The following CHRM2 variants were observed in gnomAD, a reference collection of about 807,000 sequenced individuals.
The protein encoded by CHRM2 is muscarinic acetylcholine receptor M2.
Under a neutral mutation model 25.0 loss-of-function variants are expected in CHRM2, and 8 were observed. The ratio of observed to expected loss-of-function variants is 0.32; its 90% CI spans 0.19 to 0.58. CHRM2 has a LOEUF of 0.58. Ranked by LOEUF, CHRM2 falls within the 20% of genes least tolerant of loss-of-function variation. The probability of loss-of-function intolerance (pLI) is 0.88; values close to 1 mark genes in which losing one functional copy is unlikely to be tolerated. For synonymous variants in CHRM2, 202 were observed against 205.7 expected (o/e 0.98, Z 0.15); for missense variants, 440 against 567.1 (o/e 0.78, Z 2.28).
chr7:137,003,120 G>A (rs376401465), intron 3 of CHRM2, among the ~76,000 whole-genome samples: 8 of 152,104 alleles, frequency 5.3e-5, no homozygotes, highest in South Asian at 4.1e-4. Flanking sequence ...AACTGGGTAC[G>A]AAGTTATGGA....
intron 2 of CHRM2, among the ~76,000 whole-genome samples, chr7:136,893,055 T>C (rs2130570930): frequency 6.6e-6 from 1 of 152,296 alleles, no homozygotes; most frequent in African/African-American, 2.4e-5. Flanking sequence ...CTCTCTCTTG[T>C]TCTCTCTTCC....
rs76478687 is a variant in CHRM2, at chr7:137,009,883, C to A, written c.-46-4937C>A. Among the ~76,000 whole-genome samples the A allele has an allele frequency of 2.2e-3, 333 of 151,674 alleles. 1 individual carries two copies. Among genetic ancestry groups the A allele is most frequent in the Non-Finnish European group, 3.7e-3 (253 of 67,874 alleles). On this transcript the variant is annotated intron_variant, in intron 3 of 3. Transcript: ENST00000680005. ...CATTGATAATGACAATTTAGTGTTA[C>A]CTCTAACCCTGCGCCCCATACCTTC...
rs182070352 is a variant in CHRM2 at position 136,907,120 on chromosome 7, C to T, written c.-125+37702C>T. Among the ~76,000 whole-genome samples the T allele has an allele frequency of 5.4e-4, 82 of 151,864 alleles. 1 individual carries two copies. The highest frequency in any genetic ancestry group is 2.0e-3 in the African/African-American group (82 of 41,468). Reference sequence around the variant, plus strand: ...GATCTAACAGGAGGTGAAGCTCAGGCAGTAATGCAAGTGATGGGCAGTGGC... The same window carrying T: ...GATCTAACAGGAGGTGAAGCTCAGGTAGTAATGCAAGTGATGGGCAGTGGC... On this transcript the variant is annotated intron_variant, in intron 2 of 3. Transcript: ENST00000680005.
intron 2 of CHRM2, among the ~76,000 whole-genome samples, chr7:136,952,074 A>C (rs1371252355): frequency 6.6e-6 from 1 of 152,186 alleles, no homozygotes; most frequent in Non-Finnish European, 1.5e-5. Flanking sequence ...TTAGGGTGGG[A>C]GCAGAACACA....
chr7:136,889,922 C>G (rs146947607), intron 2 of CHRM2, among the ~76,000 whole-genome samples: 2 of 152,190 alleles, frequency 1.3e-5, no homozygotes, highest in Non-Finnish European at 2.9e-5. Flanking sequence ...CACAGACAGG[C>G]GACCTCAGCT....
At chr7:136,903,102 C>A in intron 2 of CHRM2, 1 of 531,080 alleles carries the variant, frequency 1.9e-6, no homozygotes, top group South Asian at 1.4e-5. Flanking sequence ...CTCATTTGGG[C>A]TAGTGTAGGT....
intron 2 of CHRM2, chr7:136,938,396 G>A (rs915576795): frequency 8.9e-6 from 14 of 1,579,074 alleles, no homozygotes; most frequent in African/African-American, 5.4e-5. Flanking sequence ...TGCTGCTCCA[G>A]GAACCGTACC....
At chr7:136,911,120 T>C (rs993198012) in intron 2 of CHRM2, among the ~76,000 whole-genome samples, 2 of 151,952 alleles carry the variant, frequency 1.3e-5, no homozygotes, top group African/African-American at 4.8e-5. Flanking sequence ...GTGAGTAATT[T>C]TTTTTATTCA....
At position 136,939,326 on chromosome 7, in the gene CHRM2, T is replaced by G. The variant is rs143836761; in HGVS notation, c.-124-52861T>G. 1.2e-3 allele frequency among the ~76,000 whole-genome samples: 176 copies of G among 152,372 alleles called. 1 individual carries two copies. The East Asian group carries it at 0.015, about 13-fold the overall frequency. On this transcript the variant is annotated intron_variant, in intron 2 of 3. Transcript: ENST00000680005. ...GAAATTTCATTCAGGGCTTTACTGG[T>G]TTTAACAGCAGTAATATGCACTTGA...
chr7:136,908,437 T>C (rs922010895), intron 2 of CHRM2, among the ~76,000 whole-genome samples: 1 of 151,964 alleles, frequency 6.6e-6, no homozygotes, highest in Non-Finnish European at 1.5e-5. Context: ...AATTTATAGT[T>C]AGATTACATT....
chr7:136,957,202 A>G (rs548843579), intron 2 of CHRM2, among the ~76,000 whole-genome samples: 4 of 152,304 alleles, frequency 2.6e-5, no homozygotes, highest in Admixed American at 6.5e-5. Flanking sequence ...TTTGTTCAGT[A>G]CATCTTTTGG....
chr7:136,908,658 AG>A (rs1797682878), intron 2 of CHRM2, among the ~76,000 whole-genome samples: 1 of 151,962 alleles, frequency 6.6e-6, no homozygotes, highest in African/African-American at 2.4e-5. Flanking sequence ...TTGAATGATC[AG>A]GTATTACTCC....
At chr7:136,998,582 G>A (rs1236820960) in intron 3 of CHRM2, among the ~76,000 whole-genome samples, 1 of 151,976 alleles carries the variant, frequency 6.6e-6, no homozygotes, top group African/African-American at 2.4e-5. Context: ...ATTGCCACAG[G>A]GACAAAAATC....
chr7:136,975,255 C>G (rs189185353), intron 2 of CHRM2, among the ~76,000 whole-genome samples: 1 of 152,084 alleles, frequency 6.6e-6, no homozygotes, highest in Non-Finnish European at 1.5e-5. Flanking sequence ...TTTCTTGTTT[C>G]CTGTTTGTGT....
chr7:136,980,325 G>A (rs2216860), intron 2 of CHRM2, among the ~76,000 whole-genome samples: 87,387 of 152,036 alleles, frequency 0.57, 26,467 homozygotes, highest in Non-Finnish European at 0.67. Flanking sequence ...AGTTGCTTAT[G>A]AGCTTAAGGA....
At chr7:136,874,064 G>C (rs1218832088) in intron 2 of CHRM2, among the ~76,000 whole-genome samples, 1 of 152,154 alleles carries the variant, frequency 6.6e-6, no homozygotes, top group African/African-American at 2.4e-5. Flanking sequence ...ACTTTTTCAA[G>C]GTGACACAGC....
rs115103871 is a variant in CHRM2 at position 136,956,385 on chromosome 7, G to C, written c.-124-35802G>C. Reference sequence around the variant, plus strand: ...AGATGAGCCTTAATATAAATGTACTGTTTAAGGGGAAATGTCAACTCTTAG... The same window carrying C: ...AGATGAGCCTTAATATAAATGTACTCTTTAAGGGGAAATGTCAACTCTTAG... On this transcript the variant is annotated intron_variant, in intron 2 of 3. Transcript: ENST00000680005. 5.5e-3 allele frequency among the ~76,000 whole-genome samples: 838 copies of C among 152,218 alleles called. 11 individuals carry two copies. The highest frequency in any genetic ancestry group is 0.019 in the African/African-American group (799 of 41,528).
intron 2 of CHRM2, among the ~76,000 whole-genome samples, chr7:136,944,780 G>C (rs1394761902): frequency 1.3e-5 from 2 of 151,920 alleles, no homozygotes; most frequent in African/African-American, 4.8e-5. Context: ...TATTAGGTTG[G>C]TGCAAAAGCA....
intron 2 of CHRM2, among the ~76,000 whole-genome samples, chr7:136,983,337 T>A (rs1025040839): frequency 6.6e-6 from 1 of 152,206 alleles, no homozygotes; most frequent in Non-Finnish European, 1.5e-5. Flanking sequence ...CAGTTAGCAA[T>A]TTTATCAAGT....
Sources: allele counts gnomAD v4.1 joint callset (sites outside exome capture counted in the v4.1 genomes callset), GRCh38; gene constraint gnomAD v4.1.1; transcripts MANE v1.5; gene names NCBI Gene and HGNC (gene_info 2026-07-23, HGNC 2026-07-21).